The following CNTNAP1 variants were observed in gnomAD, a reference collection of about 807,000 sequenced individuals.
The protein encoded by CNTNAP1 is contactin associated protein 1.
CNTNAP1 carries 80 observed loss-of-function variants against 161.5 expected under a neutral mutation model. That is an observed-to-expected ratio of 0.50 (90% CI 0.41 to 0.60). CNTNAP1 has a LOEUF of 0.60. Ranked by LOEUF, CNTNAP1 falls within the 20% of genes least tolerant of loss-of-function variation. CNTNAP1 has a pLI of 0.00. For synonymous variants in CNTNAP1, 695 were observed against 733.1 expected (o/e 0.95, Z 0.84); for missense variants, 1,464 against 1,854.8 (o/e 0.79, Z 3.87).
chr17:42,693,279 G>GT lies in CNTNAP1; in HGVS notation c.2753-16dup. On this transcript the variant is annotated splice_polypyrimidine_tract_variant and intron_variant, in intron 17 of 23. Transcript: ENST00000264638. ...TGGCCCTGCCTCCATTTCTTGACCT[G>GT]TTGCCTACCCTTCCCAGGATCTGCA... 6.2e-7 allele frequency: 1 copy of GT among 1,612,966 alleles called. No individual in the cohort carries two copies. Among genetic ancestry groups the GT allele is most frequent in the Non-Finnish European group, 8.5e-7 (1 of 1,179,134 alleles).
intron 1 of CNTNAP1, 85 bp downstream of exon 1, chr17:42,682,981 T>TCC (rs2052956279): frequency 7.7e-7 from 1 of 1,297,084 alleles, no homozygotes; most frequent in African/African-American, 1.5e-5. Context: ...TGCGGCTGGG[T>TCC]GGTCGCGGGT....
rs772191515 is a variant in CNTNAP1, at chr17:42,696,095, C to T, written c.3417C>T (p.Thr1139=). Residue 1139 remains threonine (T), a synonymous_variant, in exon 20 of 24, where the codon ACC becomes ACT. Transcript: ENST00000264638. ...ACCAGCTAACCACTCGACCAGTGAC[C>T]GATGGCCAGCCCCATAGCATCAATA... ...YVYQLTTRPV[T]DGQPHSINIT... is the part of the protein sequence containing the mutation. 22 of 1,614,018 alleles carry T rather than the reference C, an allele frequency of 1.4e-5. No individual in the cohort carries two copies. Among genetic ancestry groups the T allele is most frequent in the East Asian group, 4.5e-5 (2 of 44,894 alleles).
chr17:42,684,110 A>C lies in CNTNAP1; in HGVS notation c.244A>C (p.Ile82Leu), dbSNP rs768684553. 1.7e-5 allele frequency: 27 copies of C among 1,614,076 alleles called. No homozygotes were observed. The highest frequency in any genetic ancestry group is 1.6e-4 in the Middle Eastern group (1 of 6,084). The change falls in exon 3 of 24, where the codon ATC (isoleucine) becomes CTC (leucine). Residue 82 changes from isoleucine (I) to leucine (L), a missense_variant. Physicochemically the swap from Ile to Leu is conservative, Grantham distance 5. Transcript: ENST00000264638. ...GATAGACTTAATGAAGAAGCACCGG[A>C]TCCGGGCCGTGGCCACACAGGGCTC... ...LQIDLMKKHR[I>L]RAVATQGSFN...
At position 42,686,994 on chromosome 17, in the gene CNTNAP1, G is replaced by A. The variant is rs759621490; in HGVS notation, c.992G>A (p.Arg331His). ...RGCIENVIFN[R>H]VNIADLAVRR... ...TGCATAGAAAACGTAATCTTCAACC[G>A]CGTCAACATCGCAGACCTGGCCGTG... The change falls in exon 7 of 24, where the codon CGC (arginine) becomes CAC (histidine). Residue 331 changes from arginine (R) to histidine (H), a missense_variant. Arg to His is a conservative substitution (Grantham distance 29). Around this residue, in one of 3 missense-constraint regions of CNTNAP1, gnomAD observed 1,383 missense variants for 1,765.0 expected, o/e 0.78. Coordinates refer to ENST00000264638, the MANE Select transcript of CNTNAP1 (RefSeq NM_003632.3). The A allele has an allele frequency of 1.9e-6, 3 of 1,614,010 alleles. No homozygotes were observed. The highest frequency in any genetic ancestry group is 1.3e-5 in the African/African-American group (1 of 75,060).
chr17:42,690,911 C>A lies in CNTNAP1; in HGVS notation c.2028C>A (p.Ser676=). The A allele has an allele frequency of 6.2e-7, 1 of 1,614,188 alleles. No homozygotes were observed. The highest frequency in any genetic ancestry group is 1.7e-5 in the Admixed American group (1 of 60,024). Residue 676 remains serine (S), a synonymous_variant, in exon 13 of 24, where the codon TCC becomes TCA. Coordinates refer to ENST00000264638, the MANE Select transcript of CNTNAP1 (RefSeq NM_003632.3). The part of the protein sequence containing the change: ...SQHCEQWIEF[S]CYNSRLLNTA... ...ATTGTGAACAGTGGATCGAGTTCTCCTGCTACAATTCCCGGCTGCTCAACA... is the reference window on the plus strand; with the variant it reads ...ATTGTGAACAGTGGATCGAGTTCTCATGCTACAATTCCCGGCTGCTCAACA...
At chr17:42,695,457 A>G (rs1256888049) in intron 18 of CNTNAP1, 64 bp from the exon 19 acceptor site, 3 of 1,316,632 alleles carry the variant, frequency 2.3e-6, no homozygotes, top group Non-Finnish European at 3.2e-6. Flanking sequence ...TATGGATGAC[A>G]TAAAACCTCT....
intron 23 of CNTNAP1, 126 bp from the exon 24 acceptor site, chr17:42,698,492 C>T: frequency 1.4e-6 from 1 of 712,580 alleles, no homozygotes; most frequent in South Asian, 2.0e-5. Flanking sequence ...CAGGTGAAAT[C>T]CCAAAGTGTG....
Position 42,697,618 on chromosome 17 carries a change from T to C in CNTNAP1, c.3633T>C (p.Ser1211=), listed in dbSNP as rs1291533231. The C allele has an allele frequency of 1.2e-6, 2 of 1,614,184 alleles. No homozygotes were observed. The highest frequency in any genetic ancestry group is 2.2e-5 in the East Asian group (1 of 44,890). The part of the protein sequence containing the change: ...YNTPGFSGCL[S]GVRFNNVAPL... ...CCCCAGGTTTCTCAGGCTGCCTGTC[T>C]GGTGTTCGATTCAACAACGTGGCTC... Residue 1211 remains serine, a synonymous_variant, in exon 22 of 24, where the codon TCT becomes TCC. Transcript: ENST00000264638.
intron 21 of CNTNAP1, 37 bp downstream of exon 21, chr17:42,697,404 C>T (rs767848731): frequency 4.3e-6 from 7 of 1,609,286 alleles, no homozygotes; most frequent in Non-Finnish European, 6.0e-6. Flanking sequence ...AGGCAAGGAG[C>T]TGTGGCATAT....
In CNTNAP1 at chr17:42,696,079, C is replaced by T; in HGVS notation, c.3401C>T (p.Thr1134Ile). The stretch of plus-strand genomic sequence containing the variant: ...ACCAGTCCCTACGTGTACCAGCTAA[C>T]CACTCGACCAGTGACCGATGGCCAG... ...LGTSPYVYQLTTRPVTDGQPH... is the reference protein window; with the variant it reads ...LGTSPYVYQLITRPVTDGQPH... Residue 1134 changes from threonine (T) to isoleucine (I), a missense_variant, in exon 20 of 24, where the codon ACC becomes ATC. By Grantham distance (89) the Thr-to-Ile change is moderately conservative (BLOSUM62 -1). Around this residue, in one of 3 missense-constraint regions of CNTNAP1, gnomAD observed 1,383 missense variants for 1,765.0 expected, o/e 0.78. Transcript: ENST00000264638. 1 of 1,614,192 alleles carries T rather than the reference C, an allele frequency of 6.2e-7. No individual in the cohort carries two copies. The highest frequency in any genetic ancestry group is 1.3e-5 in the African/African-American group (1 of 75,044).
chr17:42,685,341 G>A lies in CNTNAP1; in HGVS notation c.636G>A (p.Leu212=), dbSNP rs1444544125. The change falls in exon 5 of 24, where the codon CTG becomes CTA. Residue 212 remains leucine (L), a synonymous_variant. Coordinates refer to ENST00000264638, the MANE Select transcript of CNTNAP1 (RefSeq NM_003632.3). The surrounding 1 kb of genome is among the most constrained non-coding windows in gnomAD (Gnocchi z 5.0). The part of the protein sequence containing the change: ...SFKTEEKDGL[L]LHAEGAQGDY... ...AGACCGAGGAGAAGGACGGTCTTCT[G>A]CTGCACGCCGAGGGCGCCCAGGGCG... The A allele has an allele frequency of 1.9e-6, 3 of 1,610,836 alleles. No individual in the cohort carries two copies. The highest frequency in any genetic ancestry group is 1.7e-6 in the Non-Finnish European group (2 of 1,179,992).
chr17:42,684,159 C>T lies in CNTNAP1; in HGVS notation c.293C>T (p.Thr98Ile). The T allele has an allele frequency of 6.2e-7, 1 of 1,614,202 alleles. No homozygotes were observed. The highest frequency in any genetic ancestry group is 1.1e-5 in the South Asian group (1 of 91,084). The change falls in exon 3 of 24, where the codon ACA (threonine) becomes ATA (isoleucine). Residue 98 changes from threonine to isoleucine, a missense_variant. By Grantham distance (89) the Thr-to-Ile change is moderately conservative (BLOSUM62 -1). Around this residue, in one of 3 missense-constraint regions of CNTNAP1, gnomAD observed 1,383 missense variants for 1,765.0 expected, o/e 0.78. Coordinates refer to ENST00000264638, the MANE Select transcript of CNTNAP1 (RefSeq NM_003632.3). ...QGSFNSWDWV[T>I]RYMLLYGDRV... is the part of the protein sequence containing the mutation. ...TCCTTTAATTCTTGGGACTGGGTCACACGTTACATGCTACTCTACGGCGAC... is the reference window on the plus strand; with the variant it reads ...TCCTTTAATTCTTGGGACTGGGTCATACGTTACATGCTACTCTACGGCGAC...
Position 42,685,135 on chromosome 17 carries a change from T to G in CNTNAP1, c.508T>G (p.Tyr170Asp), listed in dbSNP as rs2052988563. The change falls in exon 4 of 24, where the codon TAC becomes GAC. Residue 170 changes from tyrosine to aspartate, a missense_variant. Physicochemically the swap from Tyr to Asp is radical, Grantham distance 160. Around this residue, in one of 3 missense-constraint regions of CNTNAP1, gnomAD observed 1,383 missense variants for 1,765.0 expected, o/e 0.78. Transcript: ENST00000264638. The surrounding 1 kb of genome is among the most constrained non-coding windows in gnomAD (Gnocchi z 5.0). ...GAGGCTCGGCCTCTATGGCTGCCCA[T>G]ACAGTAAGTGTGCAGAGAGCGCGGA... ...GLRLGLYGCP[Y>D]KADILYFDGD... 1 of 1,593,726 alleles carries G rather than the reference T, an allele frequency of 6.3e-7. No individual in the cohort carries two copies. Among genetic ancestry groups the G allele is most frequent in the Non-Finnish European group, 8.6e-7 (1 of 1,168,534 alleles).
At chr17:42,692,407 G>C in intron 16 of CNTNAP1, 92 bp from the exon 17 acceptor site, 2 of 1,057,344 alleles carry the variant, frequency 1.9e-6, no homozygotes, top group Non-Finnish European at 2.8e-6. Context: ...GCTCCAAAGA[G>C]GTGAGGGAAA....
At chr17:42,684,852 G>T (rs2052983247) in intron 3 of CNTNAP1, 139 bp from the exon 4 acceptor site, 4 of 929,508 alleles carry the variant, frequency 4.3e-6, no homozygotes, top group Non-Finnish European at 4.7e-6. Context: ...TTGAACCCGG[G>T]AGGCAGAGGT....
intron 18 of CNTNAP1, among the ~76,000 whole-genome samples, chr17:42,694,778 C>A (rs1179692636): frequency 6.6e-6 from 1 of 152,174 alleles, no homozygotes; most frequent in Admixed American, 6.5e-5. Context: ...CCTTGACATT[C>A]CCCATAGCAA....
intron 16 of CNTNAP1, 68 bp from the exon 17 acceptor site, chr17:42,692,431 G>A (rs992729079): frequency 4.4e-5 from 58 of 1,325,638 alleles, no homozygotes; most frequent in Non-Finnish European, 5.8e-5. Context: ...GTTATATTGG[G>A]CAAGGATCTA....
At chr17:42,690,058 C>T (rs747270364) in intron 11 of CNTNAP1, 30 bp from the exon 12 acceptor site, 1 of 1,604,714 alleles carries the variant, frequency 6.2e-7, no homozygotes. Context: ...AACTCTCTAA[C>T]TGCCTTTGTC....
At position 42,685,191 on chromosome 17, in the gene CNTNAP1, C is replaced by T. The variant is rs2052989551; in HGVS notation, c.512-26C>T. On this transcript the variant is annotated intron_variant, in intron 4 of 23. Coordinates refer to ENST00000264638, the MANE Select transcript of CNTNAP1 (RefSeq NM_003632.3). The surrounding 1 kb of genome is among the most constrained non-coding windows in gnomAD (Gnocchi z 5.0). ...CCTGGGAGACAGCCTCCCCAGTTCC[C>T]GGCCCACCTACGGTCCTTTGCGCAG... is the stretch of plus-strand genomic sequence containing the variant. 2.5e-6 allele frequency: 4 copies of T among 1,612,166 alleles called. No homozygotes were observed. Among genetic ancestry groups the T allele is most frequent in the Non-Finnish European group, 2.5e-6 (3 of 1,179,198 alleles).
Sources: allele counts gnomAD v4.1 joint callset (sites outside exome capture counted in the v4.1 genomes callset), GRCh38; gene constraint gnomAD v4.1.1; regional missense constraint gnomAD v4.1.1; non-coding constraint Gnocchi (gnomAD v3.1); transcripts MANE v1.5; gene names NCBI Gene and HGNC (gene_info 2026-07-23, HGNC 2026-07-21).